Variants in HMGB1 observed in about 807,000 individuals in gnomAD.
HMGB1 encodes high mobility group protein B1.
For missense variants in HMGB1, 79 were observed against 253.5 expected (o/e 0.31, Z 4.67); for synonymous variants, 81 against 84.0 (o/e 0.96, Z 0.19).
At chr13:30,560,555 A>G (rs1196524857) in intron 1 of HMGB1, among the ~76,000 whole-genome samples, 1 of 152,160 alleles carries the variant, frequency 6.6e-6, no homozygotes, top group Non-Finnish European at 1.5e-5. Flanking sequence ...TTTTCCTCCC[A>G]AGGAGTATAA....
At chr13:30,560,941 GTTT>G (rs200487340) in intron 1 of HMGB1, among the ~76,000 whole-genome samples, 1 of 146,296 alleles carries the variant, frequency 6.8e-6, no homozygotes, top group Admixed American at 6.8e-5. Context: ...GGTTATATAT[GTTT>G]TTTTTTTTTT....
chr13:30,606,634 A>G (rs1014252099), intron 1 of HMGB1, among the ~76,000 whole-genome samples: 1 of 152,362 alleles, frequency 6.6e-6, no homozygotes, highest in East Asian at 1.9e-4. Flanking sequence ...TGGGTCTGAT[A>G]ATAATATGCT....
rs143799198 is a variant in HMGB1, at chr13:30,524,496, G to A, written c.-14-60802C>T. Among the ~76,000 whole-genome samples the A allele has an allele frequency of 4.4e-3, 670 of 151,958 alleles. 3 individuals carry two copies. The highest frequency in any genetic ancestry group is 0.015 in the African/African-American group (628 of 41,442). On this transcript the variant is annotated intron_variant, in intron 1 of 4. Coordinates refer to the HMGB1 transcript ENST00000405805. ...AAGCAAGGCACCTTCTTTACAAGGC[G>A]GCAGGAGAGGGAATGAATGCAGGAG...
intron 1 of HMGB1, among the ~76,000 whole-genome samples, chr13:30,544,060 G>C (rs555841339): frequency 2.0e-5 from 3 of 152,360 alleles, no homozygotes; most frequent in Middle Eastern, 3.4e-3. Context: ...TCAACTCTCA[G>C]CTAGATGTGT....
rs558939945 is a variant in HMGB1 at position 30,490,112 on chromosome 13, C to G, written c.-14-26418G>C. ...CCCCAAAAGCCTCCAGATCCTTTAG[C>G]TATCTTCCAGGCATTTTCAATTCTT... On this transcript the variant is annotated intron_variant, in intron 1 of 4. Transcript: ENST00000405805. Among the ~76,000 whole-genome samples, 9 of 151,064 alleles carry G rather than the reference C, an allele frequency of 6.0e-5. No homozygotes were observed. The East Asian group carries it at 1.8e-3, about 29-fold the overall frequency.
At chr13:30,581,457 ACT>A (rs1268708694) in intron 1 of HMGB1, among the ~76,000 whole-genome samples, 1 of 152,142 alleles carries the variant, frequency 6.6e-6, no homozygotes, top group Non-Finnish European at 1.5e-5. Context: ...TCATTTTCAC[ACT>A]GTCAATGGCT....
upstream of HMGB1, among the ~76,000 whole-genome samples, chr13:30,468,687 GC>G (rs1463161565): frequency 4.6e-5 from 7 of 152,196 alleles, no homozygotes; most frequent in African/African-American, 1.4e-4. Flanking sequence ...CCACTTGCAG[GC>G]AATTCATTTC....
At chr13:30,496,226 CTATT>C (rs1182490266) in intron 1 of HMGB1, among the ~76,000 whole-genome samples, 1 of 152,138 alleles carries the variant, frequency 6.6e-6, no homozygotes, top group African/African-American at 2.4e-5. Flanking sequence ...GCAATTTTGC[CTATT>C]TATTCAATGT....
chr13:30,529,815 G>A (rs1430285863), intron 1 of HMGB1, among the ~76,000 whole-genome samples: 5 of 152,164 alleles, frequency 3.3e-5, no homozygotes, highest in Non-Finnish European at 7.3e-5. Context: ...TATCCAATCT[G>A]TCTCCCACAC....
intron 1 of HMGB1, chr13:30,553,919 C>T (rs1232023678): frequency 2.0e-5 from 28 of 1,423,176 alleles, no homozygotes; most frequent in African/African-American, 2.8e-5. Context: ...GAAGGAGTTA[C>T]ATCTTAACAC....
chr13:30,479,832 T>G (rs530801227), intron 1 of HMGB1, among the ~76,000 whole-genome samples: 2 of 152,360 alleles, frequency 1.3e-5, no homozygotes, highest in South Asian at 4.1e-4. Flanking sequence ...TGTTGGATGT[T>G]ATTATAATTT....
At chr13:30,567,948 AG>A (rs1241485632) in intron 1 of HMGB1, among the ~76,000 whole-genome samples, 6 of 152,240 alleles carry the variant, frequency 3.9e-5, no homozygotes, top group East Asian at 3.8e-4. Context: ...CTGCAGCTAA[AG>A]ATGAAGACTC....
At chr13:30,608,405 TA>T (rs879942649) in intron 1 of HMGB1, among the ~76,000 whole-genome samples, 8 of 149,722 alleles carry the variant, frequency 5.3e-5, no homozygotes, top group African/African-American at 9.8e-5. Context: ...TGCAAAGTAC[TA>T]AAAAAAAAAT....
In HMGB1 at chr13:30,519,495, A is replaced by G. The variant is rs183865789; in HGVS notation, c.-14-55801T>C. On this transcript the variant is annotated intron_variant, in intron 1 of 4. Coordinates refer to the HMGB1 transcript ENST00000405805. ...CGGATCACGAGGTCAGGAGATCGAG[A>G]CCATCCCGGCTAACACAGTGAAACC... 2.8e-4 allele frequency among the ~76,000 whole-genome samples: 42 copies of G among 150,942 alleles called. No homozygotes were observed. In the East Asian group the frequency reaches 7.8e-3, roughly 28 times the overall value.
chr13:30,498,614 A>G (rs977014902), intron 1 of HMGB1, among the ~76,000 whole-genome samples: 4 of 146,498 alleles, frequency 2.7e-5, no homozygotes, highest in Non-Finnish European at 6.0e-5. Flanking sequence ...AATCTAGGCA[A>G]AGGAATCAGC....
chr13:30,567,343 A>ATTTTT (rs34781585), intron 1 of HMGB1, among the ~76,000 whole-genome samples: 1 of 138,824 alleles, frequency 7.2e-6, no homozygotes, highest in Non-Finnish European at 1.6e-5. Flanking sequence ...TGTTAACCAA[A>ATTTTT]TTTTTTTTTT....
chr13:30,580,177 T>A (rs1444313309), intron 1 of HMGB1, among the ~76,000 whole-genome samples: 1 of 152,222 alleles, frequency 6.6e-6, no homozygotes, highest in East Asian at 1.9e-4. Context: ...AACTACAATT[T>A]CACAGTATTT....
At chr13:30,473,735 C>G (rs1022109358) in intron 1 of HMGB1, among the ~76,000 whole-genome samples, 4 of 152,112 alleles carry the variant, frequency 2.6e-5, no homozygotes, top group African/African-American at 9.7e-5. Flanking sequence ...AGCAGTTGAC[C>G]CAGCAATTCC....
chr13:30,612,735 T>C (rs908324490), intron 1 of HMGB1, among the ~76,000 whole-genome samples: 10 of 152,154 alleles, frequency 6.6e-5, no homozygotes, highest in African/African-American at 2.4e-4. Context: ...TAGGAAAGAG[T>C]GTTTCTTTAT....
Sources: allele counts gnomAD v4.1 joint callset (sites outside exome capture counted in the v4.1 genomes callset), GRCh38; gene constraint gnomAD v4.1.1; transcripts MANE v1.5; gene names NCBI Gene and HGNC (gene_info 2026-07-23, HGNC 2026-07-21).